ZNF540: variants seen among roughly 807,000 people sequenced by gnomAD.
The protein encoded by ZNF540 is zinc finger protein 540.
Under a neutral mutation model 11.8 loss-of-function variants are expected in ZNF540, and 3 were observed. That is an observed-to-expected ratio of 0.25 (90% CI 0.12 to 0.65). The LOEUF is 0.65. Ranked by LOEUF, ZNF540 falls within the 30% of genes least tolerant of loss-of-function variation. The pLI is 0.83. For synonymous variants in ZNF540, 247 were observed against 259.0 expected, an observed-to-expected ratio of 0.95 and a Z score of 0.45; for missense variants, 709 against 793.1, an observed-to-expected ratio of 0.89 and a Z score of 1.27.
At chr19:37,564,138 A>ATGAT (rs2042767599) in intron 1 of ZNF540, 1 of 152,556 alleles carries the variant, frequency 6.6e-6, no homozygotes, top group African/African-American at 2.4e-5. Context: ...AAGGGGCTAC[A>ATGAT]TGATAAGAGA....
chr19:37,580,235 G>C (rs2043404624), intron 1 of ZNF540, among the ~76,000 whole-genome samples: 1 of 152,202 alleles, frequency 6.6e-6, no homozygotes. Context: ...AGGCCTAACA[G>C]GAACTGTTCT....
chr19:37,587,355 ATT>A (rs1447841909), intron 1 of ZNF540: 1 of 152,174 alleles, frequency 6.6e-6, no homozygotes, highest in East Asian at 1.9e-4. Context: ...CAAAGTCTGG[ATT>A]TGTTTTTTTA....
At chr19:37,603,000 G>A (rs2044051686) in intron 4 of ZNF540, among the ~76,000 whole-genome samples, 2 of 135,048 alleles carry the variant, frequency 1.5e-5, no homozygotes, top group South Asian at 5.3e-4. Context: ...GGGATGTAAG[G>A]AGTCTTTTTT....
intron 3 of ZNF540, 119 bp from the exon 4 acceptor site, chr19:37,600,891 T>G: frequency 1.2e-6 from 1 of 827,088 alleles, no homozygotes; most frequent in Non-Finnish European, 1.9e-6. Context: ...CCTGTCAGTT[T>G]TTTCCGAAGT....
At chr19:37,564,036 C>T (rs1341204186) in intron 1 of ZNF540, 1 of 152,140 alleles carries the variant, frequency 6.6e-6, no homozygotes, top group East Asian at 1.9e-4. Context: ...TTGGAAGTTT[C>T]TTCCTGGTGT....
At chr19:37,558,281 T>C (rs1330615287) in intron 1 of ZNF540, among the ~76,000 whole-genome samples, 1 of 152,208 alleles carries the variant, frequency 6.6e-6, no homozygotes, top group East Asian at 1.9e-4. Flanking sequence ...TTTGGGCTAT[T>C]TCTAAAAGCT....
chr19:37,568,457 C>G (rs2045910), intron 1 of ZNF540, among the ~76,000 whole-genome samples: 44 of 151,948 alleles, frequency 2.9e-4, no homozygotes, highest in Admixed American at 7.9e-4. Context: ...TGAAAGAAAT[C>G]AATGGGCTTA....
chr19:37,612,890 A>C lies in ZNF540; in HGVS notation c.1610A>C (p.Asn537Thr), dbSNP rs749163759. Residue 537 changes from asparagine to threonine, a missense_variant, in exon 5 of 5, where the codon AAT becomes ACT. Transcript: ENST00000316433. ...GGAAAGGCCTTTATTCGTAGAGGGA[A>C]TCTTAAAGAACATCTGAAAATTCAT... ...ECGKAFIRRG[N>T]LKEHLKIHSG... 2 of 1,614,112 alleles carry C rather than the reference A, an allele frequency of 1.2e-6. No individual in the cohort carries two copies. The highest frequency in any genetic ancestry group is 1.7e-5 in the Admixed American group (1 of 60,012).
intron 1 of ZNF540, among the ~76,000 whole-genome samples, chr19:37,576,042 TACAC>T (rs34837052): frequency 5.0e-4 from 75 of 148,932 alleles, no homozygotes; most frequent in African/African-American, 1.6e-3. Flanking sequence ...CATACATGCA[TACAC>T]ACACACACAC....
chr19:37,599,764 T>C lies in ZNF540; in HGVS notation c.136+12T>C, dbSNP rs183864395. On this transcript the variant is annotated intron_variant, in intron 3 of 4. Coordinates refer to ENST00000316433, the MANE Select transcript of ZNF540 (RefSeq NM_001172225.3). ...CTTGGTCTCACTGGGTAAGGTCACC[T>C]ATGTCAAATAATGTAGACTCTGTTA... The C allele has an allele frequency of 3.0e-3, 4,689 of 1,584,420 alleles. 10 individuals are homozygous for C. The highest frequency in any genetic ancestry group is 3.6e-3 in the Non-Finnish European group (4,157 of 1,164,142).
intron 2 of ZNF540, 71 bp downstream of exon 2, chr19:37,598,527 T>G: frequency 6.5e-7 from 1 of 1,548,706 alleles, no homozygotes; most frequent in Non-Finnish European, 8.9e-7. Context: ...TTTCACTCTT[T>G]ATGCTGACAC....
chr19:37,601,719 G>A (rs1051646885), intron 4 of ZNF540, among the ~76,000 whole-genome samples: 1 of 152,210 alleles, frequency 6.6e-6, no homozygotes, highest in Admixed American at 6.5e-5. Flanking sequence ...TATATGTGCA[G>A]AGATGTGCAG....
At chr19:37,593,904 G>A (rs1243681364), upstream of ZNF540, among the ~76,000 whole-genome samples, 1 of 152,058 alleles carries the variant, frequency 6.6e-6, no homozygotes, top group Non-Finnish European at 1.5e-5. Context: ...GGTAGAAAAC[G>A]TTTCGGAAAG....
chr19:37,609,402 G>A (rs1226414194), intron 4 of ZNF540, among the ~76,000 whole-genome samples: 1 of 151,746 alleles, frequency 6.6e-6, no homozygotes, highest in East Asian at 1.9e-4. Flanking sequence ...AAATTAGTCA[G>A]GCGTGGTGGT....
At chr19:37,611,478 A>G in intron 4 of ZNF540, 35 bp from the exon 5 acceptor site, 1 of 1,517,962 alleles carries the variant, frequency 6.6e-7, no homozygotes, top group Non-Finnish European at 8.8e-7. Context: ...GGCTACAGGA[A>G]AATAATTTTT....
intron 1 of ZNF540, chr19:37,567,485 T>C (rs1164769608): frequency 6.6e-6 from 1 of 152,142 alleles, no homozygotes; most frequent in African/African-American, 2.4e-5. Flanking sequence ...TCCAGTTCTT[T>C]CTTAAATTTC....
At chr19:37,564,665 C>T in intron 1 of ZNF540, 2 of 1,612,228 alleles carry the variant, frequency 1.2e-6, no homozygotes, top group South Asian at 1.1e-5. Flanking sequence ...ACACTGGACA[C>T]ATGTATAGGG....
At chr19:37,595,703 C>T (rs1754918459) in intron 1 of ZNF540, among the ~76,000 whole-genome samples, 1 of 152,158 alleles carries the variant, frequency 6.6e-6, no homozygotes, top group Non-Finnish European at 1.5e-5. Context: ...ATAGGAATTT[C>T]TGCAAAACTG....
chr19:37,598,262 AG>A, intron 1 of ZNF540, 113 bp from the exon 2 acceptor site: 1 of 607,180 alleles, frequency 1.6e-6, no homozygotes. Flanking sequence ...AGGGAAGTGT[AG>A]GGGAGGTATT....
Sources: allele counts gnomAD v4.1 joint callset (sites outside exome capture counted in the v4.1 genomes callset), GRCh38; gene constraint gnomAD v4.1.1; transcripts MANE v1.5; gene names NCBI Gene and HGNC (gene_info 2026-07-23, HGNC 2026-07-21).